The following FAM120C variants were observed in gnomAD, a reference collection of about 807,000 sequenced individuals.
The protein encoded by FAM120C is constitutive coactivator of PPAR-gamma-like protein 2.
Under a neutral mutation model 71.2 loss-of-function variants are expected in FAM120C, and 14 were observed. The observed-to-expected ratio is 0.20, with a 90% CI of 0.13 to 0.31. FAM120C has a LOEUF of 0.31. FAM120C is among the 10% of genes least tolerant of loss of function. The pLI is 1.00. For missense variants in FAM120C, 500 were observed against 879.0 expected, an observed-to-expected ratio of 0.57 and a Z score of 5.45; for synonymous variants, 354 against 353.2, an observed-to-expected ratio of 1.00 and a Z score of -0.03.
intron 1 of FAM120C, among the ~76,000 whole-genome samples, chrX:54,162,913 T>C (rs2067241902): frequency 8.9e-6 from 1 of 111,995 alleles, no homozygotes; most frequent in Non-Finnish European, 1.9e-5. Context: ...AATAAGCACA[T>C]GACAAGCTGC....
At position 54,072,565 on chromosome X, in the gene FAM120C, G is replaced by GA. The variant is rs369853014; in HGVS notation, c.*467dup. 754 of 84,055 alleles carry GA rather than the reference G, an allele frequency of 9.0e-3. 3 individuals are homozygous for GA. Among genetic ancestry groups the GA allele is most frequent in the African/African-American group, 0.013 (304 of 22,768 alleles). 6.9% of individuals were successfully genotyped at this position (84,055 alleles called of 1,213,427 possible). A position where few individuals can be genotyped will look rare whatever the true frequency, so the allele number is the denominator to read the frequency against. ...GAAGAGGTAGATACCACTTCATAGAGAAAAAAAAAAAACAAAAAAAAACCT... is the reference window on the plus strand; with the variant it reads ...GAAGAGGTAGATACCACTTCATAGAGAAAAAAAAAAAAACAAAAAAAAACCT... On this transcript the variant is annotated 3_prime_UTR_variant, in exon 16 of 16. Transcript: ENST00000375180.
At chrX:54,147,087 G>A (rs1209088335) in intron 4 of FAM120C, among the ~76,000 whole-genome samples, 3 of 109,603 alleles carry the variant, frequency 2.7e-5, no homozygotes, top group South Asian at 7.7e-4. Context: ...AGGCCGAGGC[G>A]GACGGATCAC....
At chrX:54,146,781 G>A (rs1449913206) in intron 4 of FAM120C, among the ~76,000 whole-genome samples, 1 of 112,085 alleles carries the variant, frequency 8.9e-6, no homozygotes, top group African/African-American at 3.2e-5. Flanking sequence ...CTGGTAAAAG[G>A]ATAGACACAT....
At chrX:54,091,602 A>G (rs1557122642) in intron 10 of FAM120C, among the ~76,000 whole-genome samples, 176 bp from the exon 11 acceptor site, 2 of 112,347 alleles carry the variant, frequency 1.8e-5, no homozygotes, top group East Asian at 5.5e-4. Context: ...GGTAGAGGAA[A>G]AGAATCATGT....
At chrX:54,083,180 A>G (rs1211663376) in intron 13 of FAM120C, among the ~76,000 whole-genome samples, 2 of 110,888 alleles carry the variant, frequency 1.8e-5, no homozygotes, top group African/African-American at 6.6e-5. Context: ...TCACAAGCAC[A>G]GTGGGTTTTG....
intron 4 of FAM120C, among the ~76,000 whole-genome samples, chrX:54,139,657 A>C (rs1226047639): frequency 9.2e-6 from 1 of 108,439 alleles, no homozygotes; most frequent in Non-Finnish European, 1.9e-5. Context: ...TTTATTTTTA[A>C]ATTTTTTTAT....
chrX:54,157,650 A>T, intron 3 of FAM120C, 39 bp downstream of exon 3: 7 of 957,279 alleles, frequency 7.3e-6, no homozygotes, highest in African/African-American at 1.9e-5. Context: ...AAAACCTCAT[A>T]TCCCCTAATC....
In FAM120C at chrX:54,182,649, C is replaced by G; in HGVS notation, c.550G>C (p.Gly184Arg). ...GLGKDRLAEW[G>R]RRCQAERQTA... ...TGCCGCTCGGCCTGGCACCGACGGC[C>G]CCACTCGGCCAGCCGGTCCTTGCCC... Residue 184 changes from glycine (G) to arginine (R), a missense_variant, in exon 1 of 16, where the codon GGC becomes CGC. By Grantham distance (125) the Gly-to-Arg change is moderately radical. This residue lies in a region of FAM120C where 45 missense variants were observed against 140.2 expected (regional missense o/e 0.32). Transcript: ENST00000375180. 1 of 1,207,752 alleles carries G rather than the reference C, an allele frequency of 8.3e-7. No individual in the cohort carries two copies. The highest frequency in any genetic ancestry group is 1.1e-6 in the Non-Finnish European group (1 of 894,206).
At chrX:54,078,238 C>T (rs1055804894) in intron 15 of FAM120C, among the ~76,000 whole-genome samples, 4 of 105,755 alleles carry the variant, frequency 3.8e-5, no homozygotes, top group Middle Eastern at 4.9e-3. Flanking sequence ...CCACCGCGCC[C>T]GGCCGAGATC....
Position 54,159,359 on chromosome X carries a change from G to A in FAM120C, c.946+11C>T. 1 of 1,210,734 alleles carries A rather than the reference G, an allele frequency of 8.3e-7. No individual in the cohort carries two copies. Among genetic ancestry groups the A allele is most frequent in the Non-Finnish European group, 1.1e-6 (1 of 894,839 alleles). The stretch of plus-strand genomic sequence containing the variant: ...TACCAATCACTGCAGTCTTTTCTTT[G>A]GATGACCTACCTAGCAGTGCAGCAA... On this transcript the variant is annotated intron_variant, in intron 2 of 15. Coordinates refer to ENST00000375180, the MANE Select transcript of FAM120C (RefSeq NM_017848.6).
At position 54,071,996 on chromosome X, in the gene FAM120C, A is replaced by T. The variant is rs928046039; in HGVS notation, c.*1037T>A. 2.9e-5 allele frequency: 3 copies of T among 104,342 alleles called. No individual in the cohort carries two copies. In the East Asian group the frequency reaches 9.0e-4, roughly 31 times the overall value. The allele number at this position is 104,342 out of a possible 1,213,427, so 8.6% of individuals were successfully genotyped here. On this transcript the variant is annotated 3_prime_UTR_variant, in exon 16 of 16. Transcript: ENST00000375180. ...TGTATATATGTGTGTATATATATAT[A>T]CACACATATATACACACATACACAC...
At chrX:54,134,394 C>G (rs782391528) in intron 7 of FAM120C, among the ~76,000 whole-genome samples, 1 of 112,381 alleles carries the variant, frequency 8.9e-6, no homozygotes, top group Non-Finnish European at 1.9e-5. Flanking sequence ...GAATAATCAA[C>G]GAACAAATGA....
At chrX:54,085,689 T>C (rs1443776969) in intron 13 of FAM120C, 26 bp downstream of exon 13, 2 of 1,173,871 alleles carry the variant, frequency 1.7e-6, no homozygotes, top group African/African-American at 1.8e-5. Flanking sequence ...TTGAGGATGG[T>C]AAATACCTCA....
At chrX:54,110,077 C>T (rs782664607) in intron 10 of FAM120C, among the ~76,000 whole-genome samples, 12 of 82,307 alleles carry the variant, frequency 1.5e-4, no homozygotes, top group South Asian at 8.1e-4. Flanking sequence ...AGTGTAGTGG[C>T]GCAATCTCGG....
chrX:54,170,410 G>T (rs1264015079), intron 1 of FAM120C, among the ~76,000 whole-genome samples: 1 of 111,696 alleles, frequency 9.0e-6, no homozygotes, highest in African/African-American at 3.3e-5. Flanking sequence ...TAGGATTACA[G>T]GCGTGAGCTA....
chrX:54,135,692 T>C (rs180844657), intron 5 of FAM120C, 88 bp from the exon 6 acceptor site: 113 of 702,713 alleles, frequency 1.6e-4, no homozygotes, highest in Non-Finnish European at 2.3e-4. Flanking sequence ...CCTGAAAAAG[T>C]GTTATTAATA....
intron 14 of FAM120C, 138 bp from the exon 15 acceptor site, chrX:54,080,427 A>T: frequency 4.1e-6 from 2 of 493,773 alleles, no homozygotes. Context: ...ACTACTGAAC[A>T]TCTATCTTGG....
chrX:54,079,260 CAA>C (rs1334413922), intron 15 of FAM120C, among the ~76,000 whole-genome samples: 6 of 45,871 alleles, frequency 1.3e-4, no homozygotes, highest in Non-Finnish European at 1.2e-4. Context: ...AGACTCATCT[CAA>C]AAAAAAAAAA....
At chrX:54,086,220 C>T (rs1410493129) in intron 12 of FAM120C, among the ~76,000 whole-genome samples, 4 of 111,299 alleles carry the variant, frequency 3.6e-5, no homozygotes, top group Non-Finnish European at 7.5e-5. Context: ...ATTACATGGC[C>T]GGCATTGGGC....
Sources: gnomAD v4.1 joint callset for allele counts (sites outside exome capture counted in the v4.1 genomes callset) on GRCh38, gnomAD v4.1.1 for gene constraint, gnomAD v4.1.1 regional missense constraint, MANE v1.5 for transcripts, NCBI Gene and HGNC (gene_info 2026-07-23, HGNC 2026-07-21) for gene names.